Variants in SHISA9 observed in about 807,000 individuals in gnomAD.
SHISA9 encodes protein shisa-9.
Under a neutral mutation model 38.0 loss-of-function variants are expected in SHISA9, and 13 were observed. That is an observed-to-expected ratio of 0.34 (90% CI 0.22 to 0.54). The LOEUF is 0.54. Among genes scored for constraint, SHISA9 ranks in the 20% least tolerant of loss-of-function variants. The pLI, the probability that SHISA9 is intolerant of heterozygous loss-of-function variation, is 0.91. For missense variants in SHISA9, 538 were observed against 575.8 expected, an observed-to-expected ratio of 0.93 and a Z score of 0.67; for synonymous variants, 275 against 242.0, an observed-to-expected ratio of 1.14 and a Z score of -1.27.
chr16:13,096,371 G>C (rs2073827793), intron 2 of SHISA9, among the ~76,000 whole-genome samples: 1 of 152,156 alleles, frequency 6.6e-6, no homozygotes, highest in East Asian at 1.9e-4. Flanking sequence ...CTGCCCTCAA[G>C]AAGCTTATAG....
chr16:13,049,190 G>GTGTT (rs1024251480), intron 2 of SHISA9, among the ~76,000 whole-genome samples: 9 of 139,300 alleles, frequency 6.5e-5, no homozygotes, highest in Middle Eastern at 3.5e-3. Flanking sequence ...GTGTGTGTGT[G>GTGTT]TGTGTGTGTG....
the SHISA9 span, among the ~76,000 whole-genome samples, chr16:13,505,171 C>G: frequency 6.6e-6 from 1 of 152,210 alleles, no homozygotes; most frequent in African/African-American, 2.4e-5. Flanking sequence ...AGGGGAGCAA[C>G]CTGTTCTGAA....
At chr16:12,922,879 T>C (rs1214822165) in intron 2 of SHISA9, among the ~76,000 whole-genome samples, 1 of 152,200 alleles carries the variant, frequency 6.6e-6, no homozygotes, top group African/African-American at 2.4e-5. Context: ...ATTTTATTTA[T>C]GCCTCTTCTA....
At chr16:13,253,450 T>C in the SHISA9 span, among the ~76,000 whole-genome samples, 35 of 152,270 alleles carry the variant, frequency 2.3e-4, 1 homozygote, top group South Asian at 5.8e-3. Context: ...GGCTGGGTAA[T>C]TTATATAAGA....
chr16:13,485,683 T>C, the SHISA9 span, among the ~76,000 whole-genome samples: 1 of 152,244 alleles, frequency 6.6e-6, no homozygotes. Flanking sequence ...TATTTTGAAA[T>C]ATACAATAAG....
intron 4 of SHISA9, among the ~76,000 whole-genome samples, chr16:13,231,343 A>G (rs1321246426): frequency 3.3e-5 from 5 of 152,180 alleles, no homozygotes; most frequent in African/African-American, 1.2e-4. Context: ...ATGACATATA[A>G]ATTTTGATGT....
At chr16:13,478,415 G>A in the SHISA9 span, among the ~76,000 whole-genome samples, 2 of 152,120 alleles carry the variant, frequency 1.3e-5, no homozygotes, top group Admixed American at 6.5e-5. Flanking sequence ...TTTCCCTGTT[G>A]TTTAGGTCAA....
intron 2 of SHISA9, among the ~76,000 whole-genome samples, chr16:13,093,776 G>A (rs2073798894): frequency 6.6e-6 from 1 of 152,044 alleles, no homozygotes; most frequent in South Asian, 2.1e-4. Flanking sequence ...TACTGAGAAG[G>A]GCCTCTCTAA....
At chr16:13,335,046 G>A in the SHISA9 span, among the ~76,000 whole-genome samples, 5 of 152,182 alleles carry the variant, frequency 3.3e-5, no homozygotes, top group African/African-American at 1.2e-4. Flanking sequence ...GTTTCCATGT[G>A]CAAAGCCAGT....
intron 2 of SHISA9, among the ~76,000 whole-genome samples, chr16:13,200,744 C>T (rs931753201): frequency 7.4e-6 from 1 of 135,336 alleles, no homozygotes; most frequent in South Asian, 2.3e-4. Flanking sequence ...TCTCTCCAGA[C>T]GTTGGCCAAA....
At chr16:13,458,604 A>G in the SHISA9 span, 1 of 393,070 alleles carries the variant, frequency 2.5e-6, no homozygotes, top group South Asian at 2.1e-5. Context: ...GAATCCAGCT[A>G]AGAGATTTGG....
In SHISA9 at chr16:13,164,649, A is replaced by G. The variant is rs531707600; in HGVS notation, c.692-38745A>G. On this transcript the variant is annotated intron_variant, in intron 2 of 4. Transcript: ENST00000558583. ...TTATGCTATAAATTAGCCTCTAGGT[A>G]TTGCTATAACTGCATCTCACACATT... 9.9e-5 allele frequency among the ~76,000 whole-genome samples: 15 copies of G among 152,226 alleles called. 1 individual carries two copies. The East Asian group carries it at 2.7e-3, about 27-fold the overall frequency.
At chr16:13,132,164 A>T (rs139616282) in intron 2 of SHISA9, among the ~76,000 whole-genome samples, 1 of 152,162 alleles carries the variant, frequency 6.6e-6, no homozygotes, top group Admixed American at 6.5e-5. Flanking sequence ...GAGGCAGACA[A>T]TCGAGGTGTG....
chr16:12,907,396 C>A (rs929140926), intron 1 of SHISA9, among the ~76,000 whole-genome samples: 1 of 142,592 alleles, frequency 7.0e-6, no homozygotes, highest in Non-Finnish European at 1.5e-5. Context: ...CTTCCCTCTT[C>A]CCCTCCCTCC....
the SHISA9 span, among the ~76,000 whole-genome samples, chr16:13,499,303 C>T: frequency 3.9e-5 from 6 of 152,186 alleles, no homozygotes; most frequent in Non-Finnish European, 1.5e-5. Context: ...GTAGTTTTGG[C>T]AAAGAAAGAG....
At chr16:13,164,169 G>A (rs1196824302) in intron 2 of SHISA9, among the ~76,000 whole-genome samples, 1 of 151,850 alleles carries the variant, frequency 6.6e-6, no homozygotes, top group African/African-American at 2.4e-5. Context: ...TCTATTCCTA[G>A]TTTGCTGAAA....
the SHISA9 span, among the ~76,000 whole-genome samples, chr16:13,547,428 C>T: frequency 1.3e-5 from 2 of 152,070 alleles, no homozygotes; most frequent in African/African-American, 2.4e-5. Flanking sequence ...AGAAGTCCCA[C>T]AAGATGCTGT....
Position 12,975,652 on chromosome 16 carries a change from G to A in SHISA9, c.691+58837G>A, listed in dbSNP as rs948222554. On this transcript the variant is annotated intron_variant, in intron 2 of 4. Transcript: ENST00000558583. Reference sequence around the variant, plus strand: ...AATGGTAAATGGGTGGGGTGGGACGGGGGCGGGGGGGGTAAGGGCATGTCA... The same window carrying A: ...AATGGTAAATGGGTGGGGTGGGACGAGGGCGGGGGGGGTAAGGGCATGTCA... Among the ~76,000 whole-genome samples, 53 of 145,190 alleles carry A rather than the reference G, an allele frequency of 3.7e-4. 1 individual carries two copies. The highest frequency in any genetic ancestry group is 2.4e-3 in the Admixed American group (35 of 14,742).
At chr16:13,437,533 A>G in the SHISA9 span, among the ~76,000 whole-genome samples, 1 of 152,174 alleles carries the variant, frequency 6.6e-6, no homozygotes, top group Non-Finnish European at 1.5e-5. Context: ...AGAAGCCCGG[A>G]TGAGACCCAG....
Sources: gnomAD v4.1 joint callset for allele counts (sites outside exome capture counted in the v4.1 genomes callset) on GRCh38, gnomAD v4.1.1 for gene constraint, MANE v1.5 for transcripts, NCBI Gene and HGNC (gene_info 2026-07-23, HGNC 2026-07-21) for gene names.